The following GRIA1 variants were observed in gnomAD, a reference collection of about 807,000 sequenced individuals.
GRIA1 encodes the protein glutamate ionotropic receptor AMPA type subunit 1.
GRIA1 carries 31 observed loss-of-function variants against 99.2 expected under a neutral mutation model. The ratio of observed to expected loss-of-function variants is 0.31; its 90% confidence interval spans 0.23 to 0.42. The LOEUF (loss-of-function observed/expected upper bound fraction) is 0.42, where lower values mean the gene tolerates loss of function less well. Among genes scored for constraint, GRIA1 ranks in the 10% least tolerant of loss-of-function variants. The probability of loss-of-function intolerance (pLI) is 1.00; values close to 1 mark genes in which losing one functional copy is unlikely to be tolerated. For synonymous variants in GRIA1, 438 were observed against 432.4 expected (o/e 1.01, Z -0.16); for missense variants, 782 against 1,157.5 (o/e 0.68, Z 4.71).
intron 2 of GRIA1, among the ~76,000 whole-genome samples, chr5:153,502,812 T>A (rs1755135623): frequency 6.6e-6 from 1 of 152,122 alleles, no homozygotes; most frequent in Admixed American, 6.6e-5. Context: ...GAAAGTAAAG[T>A]TTGAGAATAG....
At chr5:153,662,632 G>C (rs76690853) in intron 5 of GRIA1, among the ~76,000 whole-genome samples, 6,779 of 152,212 alleles carry the variant, frequency 0.045, 163 homozygotes, top group Middle Eastern at 0.088. Flanking sequence ...CTCACCCGGC[G>C]CCTCATTTTA....
At chr5:153,676,726 C>A (rs1312469351) in intron 6 of GRIA1, among the ~76,000 whole-genome samples, 1 of 152,138 alleles carries the variant, frequency 6.6e-6, no homozygotes, top group Non-Finnish European at 1.5e-5. Context: ...GGCTTCTCTT[C>A]AAAAATTATA....
In GRIA1 at chr5:153,810,019, T is replaced by G. The variant is rs115037575; in HGVS notation, c.2521-1006T>G. Among the ~76,000 whole-genome samples the G allele has an allele frequency of 5.9e-3, 901 of 152,316 alleles. 10 individuals carry two copies. The highest frequency in any genetic ancestry group is 0.021 in the African/African-American group (860 of 41,560). On this transcript the variant is annotated intron_variant, in intron 15 of 15. Transcript: ENST00000285900. The stretch of plus-strand genomic sequence containing the variant: ...AAAGTTTGAGATGGACAGTAAAATA[T>G]AAGAGTCTGGATTTCCTATCATCAA...
At chr5:153,720,980 G>A (rs1298034021) in intron 11 of GRIA1, among the ~76,000 whole-genome samples, 1 of 152,174 alleles carries the variant, frequency 6.6e-6, no homozygotes, top group African/African-American at 2.4e-5. Flanking sequence ...GCCATCCACG[G>A]GTGATGCAGA....
chr5:153,758,799 T>G (rs1762993512), intron 11 of GRIA1, among the ~76,000 whole-genome samples: 1 of 151,946 alleles, frequency 6.6e-6, no homozygotes, highest in African/African-American at 2.4e-5. Flanking sequence ...GTCTACAGCA[T>G]ATATCACATA....
intron 2 of GRIA1, among the ~76,000 whole-genome samples, chr5:153,603,833 T>C (rs1252806303): frequency 6.6e-6 from 1 of 152,210 alleles, no homozygotes; most frequent in Non-Finnish European, 1.5e-5. Flanking sequence ...CTTTCATCTG[T>C]GTGACAGGTC....
intron 2 of GRIA1, among the ~76,000 whole-genome samples, chr5:153,636,968 C>T (rs1047180057): frequency 4.6e-5 from 7 of 152,150 alleles, no homozygotes; most frequent in African/African-American, 1.7e-4. Flanking sequence ...CTGCCACTCA[C>T]CACATGAATG....
At chr5:153,586,381 CA>C (rs1411916861) in intron 2 of GRIA1, among the ~76,000 whole-genome samples, 1 of 152,182 alleles carries the variant, frequency 6.6e-6, no homozygotes, top group African/African-American at 2.4e-5. Context: ...TATCCTCATT[CA>C]CCGAGTAAGG....
intron 8 of GRIA1, among the ~76,000 whole-genome samples, chr5:153,693,115 G>C (rs1757873614): frequency 6.6e-6 from 1 of 152,126 alleles, no homozygotes; most frequent in African/African-American, 2.4e-5. Context: ...TTCTGGCTAA[G>C]ACTCAGGCTC....
chr5:153,641,341 C>G (rs1368495001), intron 2 of GRIA1, among the ~76,000 whole-genome samples: 1 of 152,114 alleles, frequency 6.6e-6, no homozygotes, highest in African/African-American at 2.4e-5. Flanking sequence ...AGACAGCTGT[C>G]AGGGCCAGTA....
At chr5:153,750,806 AC>A (rs1762462431) in intron 11 of GRIA1, among the ~76,000 whole-genome samples, 2 of 152,176 alleles carry the variant, frequency 1.3e-5, no homozygotes, top group Non-Finnish European at 2.9e-5. Context: ...TTTGTAAAGA[AC>A]TAAGCACAGG....
intron 2 of GRIA1, among the ~76,000 whole-genome samples, chr5:153,571,339 A>G (rs1762101021): frequency 6.6e-6 from 1 of 151,886 alleles, no homozygotes; most frequent in Non-Finnish European, 1.5e-5. Context: ...GGAGTGGGGA[A>G]TTTTTTTTCT....
At chr5:153,672,165 TG>T (rs1561751680) in intron 5 of GRIA1, among the ~76,000 whole-genome samples, 1 of 152,180 alleles carries the variant, frequency 6.6e-6, no homozygotes, top group Admixed American at 6.5e-5. Flanking sequence ...AACATGTCAG[TG>T]TAGAACTCAC....
Position 153,655,706 on chromosome 5 carries a change from A to G in GRIA1, c.646-113A>G, listed in dbSNP as rs560390485. ...ATGGTTGGGATATTGTAGTTCTAGT[A>G]CTTAGGGTAGGGCACATTGTAAGCA... On this transcript the variant is annotated intron_variant, in intron 4 of 15. Coordinates refer to ENST00000285900, the MANE Select transcript of GRIA1 (RefSeq NM_000827.4). The G allele has an allele frequency of 1.1e-4, 86 of 808,562 alleles. No individual in the cohort carries two copies. The African/African-American group carries it at 1.2e-3, about 11-fold the overall frequency. The allele number at this position is 808,562 out of a possible 1,614,324, so 50.1% of individuals were successfully genotyped here. A position where few individuals can be genotyped will look rare whatever the true frequency, so the allele number is the denominator to read the frequency against.
chr5:153,780,928 C>T (rs1416944355), intron 13 of GRIA1, among the ~76,000 whole-genome samples: 19 of 152,088 alleles, frequency 1.2e-4, no homozygotes, highest in Admixed American at 1.2e-3. Flanking sequence ...AACAGCCACA[C>T]TGCATTCCTC....
chr5:153,656,383 T>TTTTATATATATATA (rs769901040), intron 5 of GRIA1, among the ~76,000 whole-genome samples: 7 of 92,678 alleles, frequency 7.6e-5, no homozygotes, highest in African/African-American at 3.0e-4. Context: ...ATAAGTTTGT[T>TTTTATATATATATA]TATATATATA....
chr5:153,708,534 T>C (rs759599619), intron 11 of GRIA1, among the ~76,000 whole-genome samples: 3 of 152,204 alleles, frequency 2.0e-5, no homozygotes, highest in Non-Finnish European at 4.4e-5. Context: ...GAAATAATAG[T>C]TTCTACCTCA....
chr5:153,754,238 T>C (rs551578264), intron 11 of GRIA1, among the ~76,000 whole-genome samples: 2 of 152,302 alleles, frequency 1.3e-5, no homozygotes, highest in African/African-American at 4.8e-5. Flanking sequence ...CAGTTCCAAA[T>C]TGAAGGTAGG....
At chr5:153,729,219 G>C (rs1334249375) in intron 11 of GRIA1, among the ~76,000 whole-genome samples, 1 of 149,908 alleles carries the variant, frequency 6.7e-6, no homozygotes, top group African/African-American at 2.5e-5. Flanking sequence ...GAACATCACA[G>C]TCTGGGGACT....
Sources: gnomAD v4.1 joint callset for allele counts (sites outside exome capture counted in the v4.1 genomes callset) on GRCh38, gnomAD v4.1.1 for gene constraint, MANE v1.5 for transcripts, NCBI Gene and HGNC (gene_info 2026-07-23, HGNC 2026-07-21) for gene names.